SIRPG: variants seen among roughly 807,000 people sequenced by gnomAD.
SIRPG encodes the protein signal regulatory protein gamma.
SIRPG carries 38 observed loss-of-function variants against 35.7 expected under a neutral mutation model. The observed-to-expected ratio is 1.06, with a 90% CI of 0.82 to 1.40. The LOEUF is 1.40. Among genes scored for constraint, SIRPG ranks in the 40% most tolerant of loss-of-function variants. The pLI is 0.00. For missense variants in SIRPG, 519 were observed against 483.0 expected (o/e 1.07, Z -0.70); for synonymous variants, 215 against 190.4 (o/e 1.13, Z -1.06).
intron 1 of SIRPG, among the ~76,000 whole-genome samples, chr20:1,652,213 A>G (rs1055448221): frequency 6.6e-6 from 1 of 152,210 alleles, no homozygotes; most frequent in Non-Finnish European, 1.5e-5. Context: ...ACAAAAAATG[A>G]CTGGTTATCT....
chr20:1,636,047 C>T, intron 3 of SIRPG, 141 bp downstream of exon 3: 1 of 1,209,982 alleles, frequency 8.3e-7, no homozygotes, highest in Non-Finnish European at 1.2e-6. Context: ...AAGTGACCAG[C>T]ACACCTAGGT....
At chr20:1,678,165 C>T in the SIRPG span, among the ~76,000 whole-genome samples, 1 of 152,154 alleles carries the variant, frequency 6.6e-6, no homozygotes, top group African/African-American at 2.4e-5. Flanking sequence ...TCACTCCAGC[C>T]TCTGGCTTGC....
upstream of SIRPG, among the ~76,000 whole-genome samples, chr20:1,658,318 C>A (rs2091986352): frequency 6.6e-6 from 1 of 152,134 alleles, no homozygotes. Context: ...CTGCACCCAG[C>A]AGAAGGAATT....
chr20:1,663,644 C>T, the SIRPG span, among the ~76,000 whole-genome samples: 5,487 of 152,306 alleles, frequency 0.036, 118 homozygotes, highest in Non-Finnish European at 0.045. Flanking sequence ...AACTGTTATA[C>T]GTTTATCATC....
At chr20:1,659,902 G>T (rs775453578), upstream of SIRPG, among the ~76,000 whole-genome samples, 27 of 152,296 alleles carry the variant, frequency 1.8e-4, no homozygotes, top group Admixed American at 1.4e-3. Context: ...CTGGGAAGAC[G>T]GAAGTGCAAG....
intron 1 of SIRPG, among the ~76,000 whole-genome samples, chr20:1,649,770 A>G (rs1013603197): frequency 2.0e-5 from 3 of 149,840 alleles, no homozygotes; most frequent in African/African-American, 7.4e-5. Flanking sequence ...CAGAGTAGCT[A>G]GAACCACATG....
chr20:1,632,913 G>T (rs2091763006), intron 4 of SIRPG, among the ~76,000 whole-genome samples: 1 of 151,884 alleles, frequency 6.6e-6, no homozygotes, highest in Non-Finnish European at 1.5e-5. Flanking sequence ...TGCAAAAAAT[G>T]AATAAACTGG....
In SIRPG at chr20:1,635,458, G is replaced by A; in HGVS notation, c.890C>T (p.Ala297Val). Reference sequence around the variant, plus strand: ...ATCCTTGTTCTCTGTAAGGGTCGAGGCTGTTTCTCTCTGGCACACGTTTCC... The same window carrying A: ...ATCCTTGTTCTCTGTAAGGGTCGAGACTGTTTCTCTCTGGCACACGTTTCC... ...ENGNVCQRETASTLTENKDGT... is the reference protein window; with the variant it reads ...ENGNVCQRETVSTLTENKDGT... Residue 297 changes from alanine (A) to valine (V), a missense_variant, in exon 4 of 6, where the codon GCC becomes GTC. Transcript: ENST00000303415. 1.2e-6 allele frequency: 2 copies of A among 1,614,150 alleles called. No homozygotes were observed. Among genetic ancestry groups the A allele is most frequent in the South Asian group, 2.2e-5 (2 of 91,084 alleles).
chr20:1,671,027 C>G, the SIRPG span: 1 of 409,796 alleles, frequency 2.4e-6, no homozygotes, highest in African/African-American at 2.1e-5. Flanking sequence ...GGCATACTTT[C>G]TCCTGCAGGG....
Position 1,630,205 on chromosome 20 carries a change from C to T in SIRPG, c.*2+17G>A. ...TCTGAGACAGCCCTTGGTCTGTCCTCCCTTCCTTGTACTTACAGTCAGGTC... is the reference window on the plus strand; with the variant it reads ...TCTGAGACAGCCCTTGGTCTGTCCTTCCTTCCTTGTACTTACAGTCAGGTC... On this transcript the variant is annotated intron_variant, in intron 5 of 5. Transcript: ENST00000303415. The T allele has an allele frequency of 6.5e-7, 1 of 1,542,264 alleles. No homozygotes were observed. The highest frequency in any genetic ancestry group is 8.8e-7 in the Non-Finnish European group (1 of 1,136,904).
At chr20:1,680,410 A>C in the SIRPG span, among the ~76,000 whole-genome samples, 17 of 152,342 alleles carry the variant, frequency 1.1e-4, no homozygotes, top group South Asian at 2.1e-4. Flanking sequence ...ATTGTCCCAC[A>C]TCCAGGCTTT....
chr20:1,638,045 A>G (rs968105644), intron 2 of SIRPG, among the ~76,000 whole-genome samples: 1 of 152,252 alleles, frequency 6.6e-6, no homozygotes, highest in Non-Finnish European at 1.5e-5. Flanking sequence ...TGAAGAAGTC[A>G]AGTCATCAAG....
At chr20:1,683,781 A>G in the SIRPG span, among the ~76,000 whole-genome samples, 45 of 152,290 alleles carry the variant, frequency 3.0e-4, no homozygotes, top group Non-Finnish European at 5.4e-4. Flanking sequence ...CAGCCTGGCC[A>G]ACATGGTGAA....
chr20:1,639,027 GC>G (rs2091828486), intron 2 of SIRPG, among the ~76,000 whole-genome samples: 1 of 152,120 alleles, frequency 6.6e-6, no homozygotes, highest in African/African-American at 2.4e-5. Context: ...TCACTGATGG[GC>G]ATTTGGGTTG....
At chr20:1,669,679 A>T in the SIRPG span, among the ~76,000 whole-genome samples, 1 of 152,204 alleles carries the variant, frequency 6.6e-6, no homozygotes, top group African/African-American at 2.4e-5. Flanking sequence ...CCATGAGCAG[A>T]TGATCTCCCT....
intron 4 of SIRPG, among the ~76,000 whole-genome samples, chr20:1,631,478 T>C (rs1010815411): frequency 6.6e-6 from 1 of 152,224 alleles, no homozygotes; most frequent in African/African-American, 2.4e-5. Flanking sequence ...TTGTTCTACC[T>C]GCACTGTAGC....
At chr20:1,679,588 G>A in the SIRPG span, among the ~76,000 whole-genome samples, 2 of 151,874 alleles carry the variant, frequency 1.3e-5, no homozygotes, top group Non-Finnish European at 2.9e-5. Flanking sequence ...CTTCCTACCT[G>A]GCATGCCATA....
chr20:1,660,355 T>C (rs1289424686), upstream of SIRPG, among the ~76,000 whole-genome samples: 3 of 152,236 alleles, frequency 2.0e-5, no homozygotes, highest in East Asian at 1.9e-4. Flanking sequence ...AACAAAGTAA[T>C]GTGGATAGGT....
chr20:1,651,688 G>A lies in SIRPG; in HGVS notation c.74-2280C>T, dbSNP rs1045525127. ...TGCACTTTGACTGTTCATGGCTTAC[G>A]GATTTGCTACTGATTGGCTCCACAA... is the stretch of plus-strand genomic sequence containing the variant. On this transcript the variant is annotated intron_variant, in intron 1 of 5. Transcript: ENST00000303415. Among the ~76,000 whole-genome samples the A allele has an allele frequency of 7.9e-5, 12 of 152,134 alleles. No homozygotes were observed. The East Asian group carries it at 1.5e-3, about 20-fold the overall frequency.
Sources: allele counts gnomAD v4.1 joint callset (sites outside exome capture counted in the v4.1 genomes callset), GRCh38; gene constraint gnomAD v4.1.1; transcripts MANE v1.5; gene names NCBI Gene and HGNC (gene_info 2026-07-23, HGNC 2026-07-21).